NCOA1: variants seen among roughly 807,000 people sequenced by gnomAD.
NCOA1 encodes the protein nuclear receptor coactivator 1.
Under a neutral mutation model 150.9 loss-of-function variants are expected in NCOA1, and 35 were observed. That is an observed-to-expected ratio of 0.23 (90% CI 0.18 to 0.31). The LOEUF (loss-of-function observed/expected upper bound fraction) is 0.31. NCOA1 is among the 10% of genes least tolerant of loss of function. NCOA1 has a pLI of 1.00. For synonymous variants in NCOA1, 590 were observed against 630.0 expected, an observed-to-expected ratio of 0.94 and a Z score of 0.95; for missense variants, 1,491 against 1,749.3, an observed-to-expected ratio of 0.85 and a Z score of 2.63.
At chr2:24,697,616 TAA>T in intron 10 of NCOA1, 40 bp from the exon 11 acceptor site, 2 of 1,519,710 alleles carry the variant, frequency 1.3e-6, no homozygotes, top group Non-Finnish European at 1.8e-6. Context: ...ATGATTTATA[TAA>T]AGAGGCTGTT....
At chr2:24,623,521 A>G (rs899590475) in intron 3 of NCOA1, among the ~76,000 whole-genome samples, 1 of 152,240 alleles carries the variant, frequency 6.6e-6, no homozygotes, top group Admixed American at 6.5e-5. Flanking sequence ...ACATAAAAAG[A>G]TAATAAGAAA....
At chr2:24,592,555 C>T (rs1667698896) in intron 3 of NCOA1, among the ~76,000 whole-genome samples, 2 of 144,600 alleles carry the variant, frequency 1.4e-5, no homozygotes, top group African/African-American at 2.6e-5. Flanking sequence ...GTGTTTTTCT[C>T]TTCAAATTGC....
intron 4 of NCOA1, among the ~76,000 whole-genome samples, chr2:24,652,330 T>C (rs564826567): frequency 6.6e-6 from 1 of 152,234 alleles, no homozygotes; most frequent in Admixed American, 6.5e-5. Flanking sequence ...GGACTCCAGT[T>C]TGAGAAACAT....
At chr2:24,575,868 C>T (rs991928850) in intron 2 of NCOA1, among the ~76,000 whole-genome samples, 4 of 152,104 alleles carry the variant, frequency 2.6e-5, no homozygotes, top group Non-Finnish European at 4.4e-5. Context: ...CCACCGCTCT[C>T]GGCCGAAGAG....
At chr2:24,674,428 G>A (rs953985739) in intron 7 of NCOA1, among the ~76,000 whole-genome samples, 3 of 151,952 alleles carry the variant, frequency 2.0e-5, no homozygotes, top group Admixed American at 1.3e-4. Flanking sequence ...GGATGGTCTC[G>A]ATCTCCTGAC....
intron 1 of NCOA1, among the ~76,000 whole-genome samples, chr2:24,493,195 T>C (rs1273847143): frequency 6.6e-6 from 1 of 152,218 alleles, no homozygotes; most frequent in Non-Finnish European, 1.5e-5. Flanking sequence ...TGCCATAAAT[T>C]AGATAAAATG....
chr2:24,718,890 G>A (rs985049633), intron 14 of NCOA1, among the ~76,000 whole-genome samples: 66 of 150,218 alleles, frequency 4.4e-4, no homozygotes, highest in African/African-American at 1.6e-3. Context: ...AAAGCCAGGT[G>A]TGGTGGCGGG....
intron 4 of NCOA1, 119 bp downstream of exon 4, chr2:24,644,241 G>A (rs1670361287): frequency 6.6e-6 from 1 of 152,134 alleles, no homozygotes; most frequent in African/African-American, 2.4e-5. Flanking sequence ...GTTGCTTCAA[G>A]GTTAGTGTAA....
Position 24,730,031 on chromosome 2 carries a change from A to T in NCOA1, c.3201+216A>T, listed in dbSNP as rs181284496. ...CAGGTAATTTTTATATTTTTAGTAA[A>T]GACAGGGTTTCACCATATTGGCCAG... On this transcript the variant is annotated intron_variant, in intron 17 of 22. Transcript: ENST00000348332. Among the ~76,000 whole-genome samples, 16 of 152,182 alleles carry T rather than the reference A, an allele frequency of 1.1e-4. No homozygotes were observed. The East Asian group carries it at 3.1e-3, about 29-fold the overall frequency.
chr2:24,677,533 T>C (rs912331472), intron 7 of NCOA1, among the ~76,000 whole-genome samples: 1 of 152,072 alleles, frequency 6.6e-6, no homozygotes, highest in African/African-American at 2.4e-5. Context: ...AAGCAATTCT[T>C]GTGCCTCAGC....
At chr2:24,668,248 AATG>A (rs1344069257) in intron 6 of NCOA1, among the ~76,000 whole-genome samples, 1 of 152,180 alleles carries the variant, frequency 6.6e-6, no homozygotes, top group Non-Finnish European at 1.5e-5. Context: ...GAAGGGAATA[AATG>A]ATAAGAGAAA....
At chr2:24,580,742 A>C (rs1667161204) in intron 2 of NCOA1, among the ~76,000 whole-genome samples, 1 of 152,206 alleles carries the variant, frequency 6.6e-6, no homozygotes, top group Admixed American at 6.5e-5. Context: ...CTGCTTAAAC[A>C]TGTTTTTCAG....
chr2:24,638,257 C>A (rs1480884880), intron 3 of NCOA1, among the ~76,000 whole-genome samples: 1 of 129,162 alleles, frequency 7.7e-6, no homozygotes, highest in Non-Finnish European at 1.6e-5. Context: ...CTGTTCCTGG[C>A]TTATTTCACT....
chr2:24,658,975 A>G (rs1045333137), intron 5 of NCOA1: 59 of 526,376 alleles, frequency 1.1e-4, no homozygotes, highest in Non-Finnish European at 2.1e-5. Context: ...GTTAACACCT[A>G]CTCATCCTTC....
At chr2:24,644,321 G>A (rs1226920822) in intron 4 of NCOA1, among the ~76,000 whole-genome samples, 199 bp downstream of exon 4, 11 of 152,096 alleles carry the variant, frequency 7.2e-5, no homozygotes, top group Non-Finnish European at 1.3e-4. Flanking sequence ...AGCTATTTTA[G>A]TGTATGTCGA....
chr2:24,541,547 G>T lies in NCOA1; in HGVS notation c.-395-22748G>T, dbSNP rs145092792. ...ATCCTAACTGACACACAGAGCCAGT[G>T]CATTGGCTGGATTAAGGCTACTATG... On this transcript the variant is annotated intron_variant, in intron 1 of 22. Coordinates refer to ENST00000348332, the MANE Select transcript of NCOA1 (RefSeq NM_003743.5). 1.8e-3 allele frequency among the ~76,000 whole-genome samples: 275 copies of T among 152,340 alleles called. 2 individuals carry two copies. The highest frequency in any genetic ancestry group is 6.4e-3 in the African/African-American group (266 of 41,590).
chr2:24,586,477 A>G (rs1468431293), intron 3 of NCOA1, among the ~76,000 whole-genome samples: 4 of 151,966 alleles, frequency 2.6e-5, no homozygotes, highest in Admixed American at 6.6e-5. Context: ...GCATCTACCC[A>G]TCAGGCTCAA....
intron 17 of NCOA1, among the ~76,000 whole-genome samples, chr2:24,736,340 CAA>C (rs1663302791): frequency 1.3e-5 from 2 of 151,686 alleles, no homozygotes; most frequent in Admixed American, 1.3e-4. Flanking sequence ...TCATAACTAT[CAA>C]GAGGAGAATA....
At chr2:24,538,885 G>A (rs1299112863) in intron 1 of NCOA1, among the ~76,000 whole-genome samples, 1 of 152,132 alleles carries the variant, frequency 6.6e-6, no homozygotes, top group Non-Finnish European at 1.5e-5. Flanking sequence ...TAGTTAAAAA[G>A]GGATGTAACA....
Sources: gnomAD v4.1 joint callset for allele counts (sites outside exome capture counted in the v4.1 genomes callset) on GRCh38, gnomAD v4.1.1 for gene constraint, MANE v1.5 for transcripts, NCBI Gene and HGNC (gene_info 2026-07-23, HGNC 2026-07-21) for gene names.